FGF14: variants seen among roughly 807,000 people sequenced by gnomAD.
The protein encoded by FGF14 is fibroblast growth factor homologous factor 4.
In FGF14, 5 loss-of-function variants were observed where a neutral mutation model predicts 25.5. The observed-to-expected ratio is 0.20, with a 90% CI of 0.10 to 0.41. FGF14 has a LOEUF of 0.41. FGF14 is among the 10% of genes least tolerant of loss of function. The pLI is 1.00. For missense variants in FGF14, 222 were observed against 320.1 expected, an observed-to-expected ratio of 0.69 and a Z score of 2.34; for synonymous variants, 138 against 118.3, an observed-to-expected ratio of 1.17 and a Z score of -1.08.
intron 1 of FGF14, among the ~76,000 whole-genome samples, chr13:101,956,153 T>A (rs1055506811): frequency 6.6e-6 from 1 of 152,220 alleles, no homozygotes; most frequent in African/African-American, 2.4e-5. Flanking sequence ...TTCCCAGGCA[T>A]GAGGCATGCT....
intron 1 of FGF14, among the ~76,000 whole-genome samples, chr13:102,079,888 A>AACAC (rs1323715417): frequency 6.6e-6 from 1 of 152,164 alleles, no homozygotes; most frequent in African/African-American, 2.4e-5. Context: ...TAAAAGAGGA[A>AACAC]ACACAGATAT....
intron 1 of FGF14, 93 bp downstream of exon 1, chr13:101,916,360 G>A (rs1411241706): frequency 3.3e-6 from 5 of 1,506,106 alleles, no homozygotes; most frequent in African/African-American, 2.8e-5. Flanking sequence ...GGTGGGCCGG[G>A]AAAACCGAGG....
At position 102,109,682 on chromosome 13, in the gene FGF14, G is replaced by A. The variant is rs138683994; in HGVS notation, c.209-234386C>T. ...GTCACCTAGGCTGGAGAGCAGTGGC[G>A]CGATTTTGGTTCACTGCAACATCGC... On this transcript the variant is annotated intron_variant, in intron 1 of 4. Coordinates refer to the FGF14 transcript ENST00000376131. Among the ~76,000 whole-genome samples the A allele has an allele frequency of 5.9e-5, 9 of 152,144 alleles. No homozygotes were observed. In the East Asian group the frequency reaches 1.4e-3, roughly 23 times the overall value.
At chr13:102,158,113 C>T (rs559295100) in intron 1 of FGF14, among the ~76,000 whole-genome samples, 12 of 152,252 alleles carry the variant, frequency 7.9e-5, no homozygotes, top group African/African-American at 1.4e-4. Flanking sequence ...GTCAGTGTGG[C>T]GATTCCTCAG....
chr13:102,296,342 T>G (rs1422347099), intron 1 of FGF14, among the ~76,000 whole-genome samples: 1 of 152,142 alleles, frequency 6.6e-6, no homozygotes, highest in Non-Finnish European at 1.5e-5. Flanking sequence ...AGTATAAGAT[T>G]TTGAGTTATC....
chr13:101,767,023 T>C (rs969056440), intron 3 of FGF14, among the ~76,000 whole-genome samples: 2 of 152,220 alleles, frequency 1.3e-5, no homozygotes, highest in Admixed American at 1.3e-4. Flanking sequence ...TAATTTGTAA[T>C]GTTTGTCTGT....
At chr13:101,757,837 A>C (rs1048197629) in intron 3 of FGF14, among the ~76,000 whole-genome samples, 2 of 152,200 alleles carry the variant, frequency 1.3e-5, no homozygotes, top group African/African-American at 4.8e-5. Context: ...AAGACCCACT[A>C]AGCTTATTAA....
intron 1 of FGF14, among the ~76,000 whole-genome samples, chr13:101,954,824 T>G (rs575724796): frequency 6.6e-6 from 1 of 152,340 alleles, no homozygotes; most frequent in South Asian, 2.1e-4. Context: ...ATTCAGAGAC[T>G]GAAGGAAATC....
At chr13:102,161,694 GAA>G (rs2047767835) in intron 1 of FGF14, among the ~76,000 whole-genome samples, 1 of 117,896 alleles carries the variant, frequency 8.5e-6, no homozygotes. Context: ...AGAAGAAGAA[GAA>G]GAAGAAGAAG....
chr13:101,991,755 A>T (rs751315283), intron 1 of FGF14, among the ~76,000 whole-genome samples: 14 of 151,960 alleles, frequency 9.2e-5, no homozygotes, highest in Non-Finnish European at 1.9e-4. Flanking sequence ...ATGACTGAAG[A>T]CTCAATGTGG....
At chr13:102,295,267 C>T (rs1053851371) in intron 1 of FGF14, among the ~76,000 whole-genome samples, 3 of 152,214 alleles carry the variant, frequency 2.0e-5, no homozygotes, top group Admixed American at 1.3e-4. Flanking sequence ...TGTTCTCAAC[C>T]GTATCTACAA....
intron 1 of FGF14, among the ~76,000 whole-genome samples, chr13:102,232,406 C>G (rs2051126379): frequency 6.6e-6 from 1 of 152,144 alleles, no homozygotes; most frequent in Non-Finnish European, 1.5e-5. Flanking sequence ...AGAAATAACT[C>G]TAGGCAAACA....
At chr13:101,846,275 G>T (rs2043454373) in intron 3 of FGF14, among the ~76,000 whole-genome samples, 1 of 151,324 alleles carries the variant, frequency 6.6e-6, no homozygotes, top group Admixed American at 6.6e-5. Context: ...TTTGTTAACT[G>T]GAATACTACA....
intron 3 of FGF14, among the ~76,000 whole-genome samples, chr13:101,767,830 A>G (rs2038503730): frequency 6.6e-6 from 1 of 152,180 alleles, no homozygotes; most frequent in Non-Finnish European, 1.5e-5. Flanking sequence ...TGGTCATTTG[A>G]CCATACGTAT....
intron 1 of FGF14, among the ~76,000 whole-genome samples, chr13:102,121,458 C>A (rs531266834): frequency 6.6e-6 from 1 of 152,028 alleles, no homozygotes; most frequent in Non-Finnish European, 1.5e-5. Context: ...CTATTTGATT[C>A]ATCATTTACT....
At chr13:101,904,855 T>C (rs2032036281) in intron 1 of FGF14, among the ~76,000 whole-genome samples, 1 of 152,200 alleles carries the variant, frequency 6.6e-6, no homozygotes, top group South Asian at 2.1e-4. Context: ...CAGGAAACCT[T>C]TGCTCATGAG....
chr13:101,955,574 G>GATAA (rs371091493), intron 1 of FGF14, among the ~76,000 whole-genome samples: 323 of 152,346 alleles, frequency 2.1e-3, no homozygotes, highest in African/African-American at 7.4e-3. Context: ...AGGTGTCAAA[G>GATAA]TTATAGATGA....
At chr13:101,962,241 T>C (rs1416223298) in intron 1 of FGF14, among the ~76,000 whole-genome samples, 3 of 152,186 alleles carry the variant, frequency 2.0e-5, no homozygotes, top group South Asian at 2.1e-4. Flanking sequence ...CCTTGAGCAG[T>C]GGTTTGTTGC....
At chr13:102,338,014 T>C (rs750603903) in intron 1 of FGF14, among the ~76,000 whole-genome samples, 3 of 152,168 alleles carry the variant, frequency 2.0e-5, no homozygotes, top group Non-Finnish European at 2.9e-5. Context: ...ACTGTGCTCG[T>C]CTGCAATATC....
Sources: allele counts gnomAD v4.1 joint callset (sites outside exome capture counted in the v4.1 genomes callset), GRCh38; gene constraint gnomAD v4.1.1; transcripts MANE v1.5; gene names NCBI Gene and HGNC (gene_info 2026-07-23, HGNC 2026-07-21).